The following SDK1 variants were observed in gnomAD, a reference collection of about 807,000 sequenced individuals.
The protein encoded by SDK1 is sidekick cell adhesion molecule 1.
In SDK1, 157 loss-of-function variants were observed where a neutral mutation model predicts 245.5. The observed-to-expected ratio is 0.64, with a 90% confidence interval of 0.56 to 0.73. The LOEUF is 0.73. Among genes scored for constraint, SDK1 ranks in the 30% least tolerant of loss-of-function variants. The pLI, the probability that SDK1 is intolerant of heterozygous loss-of-function variation, is 0.00. For missense variants in SDK1, 3,583 were observed against 3,002.3 expected, an observed-to-expected ratio of 1.19 and a Z score of -4.52; for synonymous variants, 1,647 against 1,278.5, an observed-to-expected ratio of 1.29 and a Z score of -6.15.
At chr7:3,325,801 C>G (rs1779926468) in intron 1 of SDK1, among the ~76,000 whole-genome samples, 1 of 152,100 alleles carries the variant, frequency 6.6e-6, no homozygotes, top group Non-Finnish European at 1.5e-5. Context: ...CTCTGACATT[C>G]TGCTCAACTA....
chr7:3,857,892 C>G (rs1033951365), intron 5 of SDK1, among the ~76,000 whole-genome samples: 1 of 152,046 alleles, frequency 6.6e-6, no homozygotes, highest in Non-Finnish European at 1.5e-5. Context: ...TTTGAATAAA[C>G]TGATCAAGAA....
intron 5 of SDK1, among the ~76,000 whole-genome samples, chr7:3,836,330 C>T (rs1780027395): frequency 6.6e-6 from 1 of 152,172 alleles, no homozygotes; most frequent in Non-Finnish European, 1.5e-5. Flanking sequence ...ACATATATAA[C>T]TTATACACAT....
At chr7:3,495,242 C>T (rs1411393570) in intron 1 of SDK1, among the ~76,000 whole-genome samples, 1 of 146,832 alleles carries the variant, frequency 6.8e-6, no homozygotes, top group African/African-American at 2.5e-5. Flanking sequence ...AGCTGGAAAG[C>T]ATAATGGTTC....
Position 3,639,065 on chromosome 7 carries a change from A to G in SDK1, c.520A>G (p.Arg174Gly). The G allele has an allele frequency of 6.2e-7, 1 of 1,604,786 alleles. No individual in the cohort carries two copies. Among genetic ancestry groups the G allele is most frequent in the Non-Finnish European group, 8.5e-7 (1 of 1,172,936 alleles). The change falls in exon 3 of 45, where the codon AGA becomes GGA. Residue 174 changes from arginine to glycine, a missense_variant. Physicochemically the swap from Arg to Gly is moderately radical, Grantham distance 125. Transcript: ENST00000404826. ...GTTTTACCGCTGCGTGGTGCGAAAC[A>G]GAATGGGAGCACTCCTGCAAAGAAA... ...AGFYRCVVRN[R>G]MGALLQRKSE...
At position 4,051,803 on chromosome 7, in the gene SDK1, C is replaced by G. The variant is rs780044509; in HGVS notation, c.2884C>G (p.Pro962Ala). 1 of 1,613,238 alleles carries G rather than the reference C, an allele frequency of 6.2e-7. No individual in the cohort carries two copies. The highest frequency in any genetic ancestry group is 1.7e-5 in the Admixed American group (1 of 59,846). Residue 962 changes from proline (P) to alanine (A), a missense_variant, in exon 19 of 45, where the codon CCT becomes GCT. Transcript: ENST00000404826. ...TTPGDGPPST[P>A]QLVWTQEDKP... ...CCCTGGGGACGGGCCTCCCAGCACA[C>G]CTCAGCTGGTCTGGACTCAGGAAGA...
At chr7:3,879,910 G>C (rs1962785) in intron 5 of SDK1, among the ~76,000 whole-genome samples, 41,769 of 151,980 alleles carry the variant, frequency 0.27, 6,840 homozygotes, top group African/African-American at 0.46. Flanking sequence ...GGCAGGCGGC[G>C]TATGCTACAT....
Position 3,572,701 on chromosome 7 carries a change from C to G in SDK1, c.299-46379C>G, listed in dbSNP as rs370318274. Among the ~76,000 whole-genome samples, 91 of 152,142 alleles carry G rather than the reference C, an allele frequency of 6.0e-4. 2 individuals carry two copies. The South Asian group carries it at 0.018, about 31-fold the overall frequency. On this transcript the variant is annotated intron_variant, in intron 1 of 44. Transcript: ENST00000404826. ...TGCCTGTAATGTAACAGGCGTGATA[C>G]TAGGTATAGAGGATTTAACGGTGAG...
chr7:4,235,214 G>T (rs1786079596), intron 41 of SDK1, among the ~76,000 whole-genome samples: 1 of 150,636 alleles, frequency 6.6e-6, no homozygotes, highest in South Asian at 2.1e-4. Flanking sequence ...GCCCAGGCTG[G>T]AGTGCAGTGG....
chr7:3,863,609 C>G (rs763967292), intron 5 of SDK1, among the ~76,000 whole-genome samples: 12 of 152,212 alleles, frequency 7.9e-5, no homozygotes, highest in Non-Finnish European at 1.3e-4. Context: ...CATCCTCACT[C>G]TCTCTATAAC....
intron 1 of SDK1, among the ~76,000 whole-genome samples, chr7:3,567,516 A>C (rs1779963655): frequency 6.6e-6 from 1 of 152,242 alleles, no homozygotes; most frequent in African/African-American, 2.4e-5. Flanking sequence ...CTGGTGCTAG[A>C]AAACTACCAC....
At chr7:4,134,369 T>C (rs640406) in intron 28 of SDK1, among the ~76,000 whole-genome samples, 117,640 of 152,088 alleles carry the variant, frequency 0.77, 45,877 homozygotes, top group East Asian at 0.9. Flanking sequence ...GAGGGAGCTA[T>C]GAGCCACATC....
At chr7:4,127,520 C>A in intron 26 of SDK1, 24 bp downstream of exon 26, 1 of 1,557,274 alleles carries the variant, frequency 6.4e-7, no homozygotes, top group Non-Finnish European at 8.9e-7. Context: ...GGATGACCTC[C>A]CTTTGCTTAA....
At chr7:3,372,545 C>A (rs1222411751) in intron 1 of SDK1, among the ~76,000 whole-genome samples, 3 of 152,158 alleles carry the variant, frequency 2.0e-5, no homozygotes, top group South Asian at 2.1e-4. Context: ...CAATTCAATA[C>A]CTCAGGAGGG....
chr7:3,931,359 A>G (rs1779971601), intron 5 of SDK1, among the ~76,000 whole-genome samples: 1 of 152,154 alleles, frequency 6.6e-6, no homozygotes, highest in Non-Finnish European at 1.5e-5. Flanking sequence ...ATATTGATGA[A>G]CACTTCCTCT....
chr7:3,536,842 G>GA (rs1778903712), intron 1 of SDK1, among the ~76,000 whole-genome samples: 1 of 152,068 alleles, frequency 6.6e-6, no homozygotes, highest in African/African-American at 2.4e-5. Flanking sequence ...ATTTTATTGG[G>GA]AAAAATCCAT....
chr7:4,265,374 CCTT>C lies in SDK1; in HGVS notation c.6634_6636del (p.Phe2212del), dbSNP rs1409898708. The C allele has an allele frequency of 7.0e-7, 1 of 1,438,712 alleles. No homozygotes were observed. The highest frequency in any genetic ancestry group is 2.6e-5 in the East Asian group (1 of 38,272). The allele number at this position is 1,438,712 out of a possible 1,614,324, so 89.1% of individuals were successfully genotyped here. A position where few individuals can be genotyped will look rare whatever the true frequency, so the allele number is the denominator to read the frequency against. On this transcript the variant is annotated inframe_deletion, in exon 45 of 45. Transcript: ENST00000404826. ...CGAACTCCGCTCACCGGCTTCTCCTCCTTCGTGTGAGCAAAGCGCCGCGCCTCC... is the reference window on the plus strand; with the variant it reads ...CGAACTCCGCTCACCGGCTTCTCCTCCGTGTGAGCAAAGCGCCGCGCCTCC...
intron 5 of SDK1, among the ~76,000 whole-genome samples, chr7:3,918,455 A>G (rs1027518152): frequency 6.6e-6 from 1 of 152,148 alleles, no homozygotes; most frequent in Non-Finnish European, 1.5e-5. Context: ...ACGCCTTATG[A>G]GAATCTAATG....
intron 1 of SDK1, among the ~76,000 whole-genome samples, chr7:3,537,841 C>T (rs965711560): frequency 2.6e-5 from 4 of 152,166 alleles, no homozygotes; most frequent in African/African-American, 9.7e-5. Flanking sequence ...GTTCAGGAAG[C>T]AGAGTTGGGG....
At chr7:4,139,399 A>G (rs997740590) in intron 28 of SDK1, among the ~76,000 whole-genome samples, 2 of 142,512 alleles carry the variant, frequency 1.4e-5, no homozygotes, top group South Asian at 2.2e-4. Flanking sequence ...GTGTGTGTAT[A>G]TGTGTGTGTG....
Sources: allele counts gnomAD v4.1 joint callset (sites outside exome capture counted in the v4.1 genomes callset), GRCh38; gene constraint gnomAD v4.1.1; transcripts MANE v1.5; gene names NCBI Gene and HGNC (gene_info 2026-07-23, HGNC 2026-07-21).